ADCY2: variants seen among roughly 807,000 people sequenced by gnomAD.
ADCY2 encodes the protein adenylate cyclase 2.
In ADCY2, 31 loss-of-function variants were observed where a neutral mutation model predicts 125.2. The ratio of observed to expected loss-of-function variants is 0.25; its 90% CI spans 0.19 to 0.33. The LOEUF (loss-of-function observed/expected upper bound fraction) is 0.33. Ranked by LOEUF, ADCY2 falls within the 10% of genes least tolerant of loss-of-function variation. ADCY2 has a pLI of 1.00. For synonymous variants in ADCY2, 512 were observed against 548.4 expected, an observed-to-expected ratio of 0.93 and a Z score of 0.93; for missense variants, 904 against 1,418.2, an observed-to-expected ratio of 0.64 and a Z score of 5.82.
intron 2 of ADCY2, among the ~76,000 whole-genome samples, chr5:7,517,262 T>A (rs1384792726): frequency 6.6e-6 from 1 of 152,184 alleles, no homozygotes; most frequent in Non-Finnish European, 1.5e-5. Context: ...TCCCTGGCTC[T>A]GCACTCTTTA....
Position 7,803,947 on chromosome 5 carries a change from T to C in ADCY2, c.2776-638T>C, listed in dbSNP as rs1026204360. ...ATATATATGTGTGTGTGTATATATA[T>C]ACACACACACACACATGTATATCGT... is the stretch of plus-strand genomic sequence containing the variant. On this transcript the variant is annotated intron_variant, in intron 21 of 24. Transcript: ENST00000338316. Among the ~76,000 whole-genome samples, 173 of 146,900 alleles carry C rather than the reference T, an allele frequency of 1.2e-3. 1 individual carries two copies. Among genetic ancestry groups the C allele is most frequent in the African/African-American group, 3.6e-3 (146 of 40,058 alleles).
At chr5:7,699,264 ATTT>A (rs1741001633) in intron 7 of ADCY2, among the ~76,000 whole-genome samples, 1 of 148,550 alleles carries the variant, frequency 6.7e-6, no homozygotes, top group Admixed American at 6.7e-5. Context: ...CGCCCGGCTA[ATTT>A]TTTGTATTTT....
chr5:7,549,714 T>C (rs1364431410), intron 3 of ADCY2, among the ~76,000 whole-genome samples: 1 of 152,126 alleles, frequency 6.6e-6, no homozygotes, highest in Non-Finnish European at 1.5e-5. Context: ...CCCTACGAAG[T>C]AGCCCGGATA....
intron 4 of ADCY2, among the ~76,000 whole-genome samples, chr5:7,645,017 T>C (rs1404333041): frequency 6.6e-6 from 1 of 152,170 alleles, no homozygotes; most frequent in African/African-American, 2.4e-5. Context: ...GTTATGAGCA[T>C]GGCTGTAGTT....
intron 4 of ADCY2, among the ~76,000 whole-genome samples, chr5:7,663,019 T>G (rs1324478842): frequency 6.6e-6 from 1 of 152,240 alleles, no homozygotes; most frequent in Admixed American, 6.5e-5. Context: ...AGCAATTGAT[T>G]GTCAAACATC....
rs1028776134 is a variant in ADCY2, at chr5:7,761,272, C to T, written c.2094+3686C>T. Among the ~76,000 whole-genome samples, 3 of 150,528 alleles carry T rather than the reference C, an allele frequency of 2.0e-5. No individual in the cohort carries two copies. The South Asian group carries it at 6.3e-4, about 32-fold the overall frequency. On this transcript the variant is annotated intron_variant, in intron 16 of 24. Transcript: ENST00000338316. ...TCAAATGATTCTCCTGCCTCAGCCC[C>T]CTGAGTAGCTGGGATTTCAGGCACC...
chr5:7,677,474 G>A (rs1740172243), intron 4 of ADCY2, among the ~76,000 whole-genome samples: 1 of 152,166 alleles, frequency 6.6e-6, no homozygotes, highest in African/African-American at 2.4e-5. Flanking sequence ...GGTAGTGACT[G>A]TGAATTCTGG....
rs141338419 is a variant in ADCY2 at position 7,609,628 on chromosome 5, C to T, written c.571-16539C>T. Among the ~76,000 whole-genome samples the T allele has an allele frequency of 1.1e-4, 17 of 152,216 alleles. No individual in the cohort carries two copies. The East Asian group carries it at 3.3e-3, about 29-fold the overall frequency. ...GAATATAAAACAGGTGGGATCTTGA[C>T]CCTCAAGGAACATAGAGCAGAACAT... is the stretch of plus-strand genomic sequence containing the variant. On this transcript the variant is annotated intron_variant, in intron 3 of 24. Coordinates refer to ENST00000338316, the MANE Select transcript of ADCY2 (RefSeq NM_020546.3).
intron 4 of ADCY2, among the ~76,000 whole-genome samples, chr5:7,671,308 T>TG (rs1229955503): frequency 6.6e-6 from 1 of 152,206 alleles, no homozygotes; most frequent in African/African-American, 2.4e-5. Context: ...GCTGGTTATT[T>TG]GGGGCATTTC....
intron 17 of ADCY2, among the ~76,000 whole-genome samples, chr5:7,772,190 G>T (rs1227472936): frequency 6.6e-6 from 1 of 152,236 alleles, no homozygotes; most frequent in Admixed American, 6.5e-5. Context: ...AGTTAGTGAA[G>T]AGTTGAATTC....
At chr5:7,586,769 G>C (rs1207994770) in intron 3 of ADCY2, among the ~76,000 whole-genome samples, 1 of 152,060 alleles carries the variant, frequency 6.6e-6, no homozygotes. Context: ...GAGCGTTGGG[G>C]AGTCCTCTTT....
At chr5:7,698,801 G>C (rs1055244628) in intron 7 of ADCY2, among the ~76,000 whole-genome samples, 1 of 152,112 alleles carries the variant, frequency 6.6e-6, no homozygotes, top group African/African-American at 2.4e-5. Context: ...TGGACTTTTG[G>C]GTTGGTTCCA....
chr5:7,726,638 GAACCAAGTTGGCA>G (rs2126399801), intron 13 of ADCY2, among the ~76,000 whole-genome samples: 1 of 152,252 alleles, frequency 6.6e-6, no homozygotes, highest in South Asian at 2.1e-4. Flanking sequence ...AGCCAGCTAA[GAACCAAGTTGGCA>G]AACCTTTTCA....
chr5:7,775,081 A>G (rs1350228827), intron 18 of ADCY2, among the ~76,000 whole-genome samples: 1 of 151,938 alleles, frequency 6.6e-6, no homozygotes, highest in Non-Finnish European at 1.5e-5. Flanking sequence ...GTCTGGGTTC[A>G]CTGCAACCTC....
intron 4 of ADCY2, among the ~76,000 whole-genome samples, chr5:7,682,895 T>C (rs1740388124): frequency 6.6e-6 from 1 of 152,224 alleles, no homozygotes; most frequent in African/African-American, 2.4e-5. Flanking sequence ...ATGAGTGAAT[T>C]ATCATGACTC....
At chr5:7,810,216 G>A (rs1195598115) in intron 22 of ADCY2, among the ~76,000 whole-genome samples, 2 of 151,988 alleles carry the variant, frequency 1.3e-5, no homozygotes, top group Non-Finnish European at 2.9e-5. Flanking sequence ...AAAATTGATG[G>A]GTTATCTACC....
intron 3 of ADCY2, among the ~76,000 whole-genome samples, chr5:7,602,939 C>T (rs1270672840): frequency 6.6e-6 from 1 of 152,094 alleles, no homozygotes; most frequent in Non-Finnish European, 1.5e-5. Context: ...GAAGTCCAGA[C>T]ATGGGGGCTG....
At chr5:7,575,012 A>G (rs1340997460) in intron 3 of ADCY2, among the ~76,000 whole-genome samples, 1 of 152,190 alleles carries the variant, frequency 6.6e-6, no homozygotes, top group African/African-American at 2.4e-5. Context: ...TAGCAGTAGT[A>G]CAATTCCATT....
chr5:7,670,814 G>A lies in ADCY2; in HGVS notation c.721-19877G>A, dbSNP rs375825839. Among the ~76,000 whole-genome samples, 50 of 152,134 alleles carry A rather than the reference G, an allele frequency of 3.3e-4. No individual in the cohort carries two copies. The East Asian group carries it at 8.5e-3, about 26-fold the overall frequency. Reference sequence around the variant, plus strand: ...CTGCCGCTGATCTGACAGCAGAGGCGGAGCTCAAGCGGTAATGCTCACTAA... The same window carrying A: ...CTGCCGCTGATCTGACAGCAGAGGCAGAGCTCAAGCGGTAATGCTCACTAA... On this transcript the variant is annotated intron_variant, in intron 4 of 24. Coordinates refer to ENST00000338316, the MANE Select transcript of ADCY2 (RefSeq NM_020546.3).
Sources: allele counts gnomAD v4.1 joint callset (sites outside exome capture counted in the v4.1 genomes callset), GRCh38; gene constraint gnomAD v4.1.1; transcripts MANE v1.5; gene names NCBI Gene and HGNC (gene_info 2026-07-23, HGNC 2026-07-21).